The following RP1 variants were observed in gnomAD, a reference collection of about 807,000 sequenced individuals.
RP1 encodes oxygen-regulated protein 1.
A neutral mutation model predicts 14.8 loss-of-function variants in RP1; 16 were observed. That is an observed-to-expected ratio of 1.08 (90% CI 0.73 to 1.65). The LOEUF (loss-of-function observed/expected upper bound fraction) is 1.65, where lower values mean the gene tolerates loss of function less well. Among genes scored for constraint, RP1 ranks in the 40% most tolerant of loss-of-function variants. The probability of loss-of-function intolerance (pLI) is 0.00; values close to 1 mark genes in which losing one functional copy is unlikely to be tolerated. For synonymous variants in RP1, 876 were observed against 883.6 expected (o/e 0.99, Z 0.15); for missense variants, 2,631 against 2,535.0 (o/e 1.04, Z -0.81).
intron 24 of RP1, among the ~76,000 whole-genome samples, chr8:54,800,108 G>C (rs541859686): frequency 5.3e-5 from 8 of 151,924 alleles, no homozygotes; most frequent in Non-Finnish European, 1.2e-4. Flanking sequence ...GTTTTTACTG[G>C]ATATGGAATT....
intron 5 of RP1, among the ~76,000 whole-genome samples, chr8:54,654,064 A>T (rs183205424): frequency 3.9e-5 from 6 of 152,306 alleles, no homozygotes; most frequent in Admixed American, 6.5e-5. Flanking sequence ...CTGCAAGGGA[A>T]CTTTGCCTAA....
intron 12 of RP1, among the ~76,000 whole-genome samples, chr8:54,693,154 T>A (rs1807759181): frequency 6.6e-6 from 1 of 152,174 alleles, no homozygotes; most frequent in South Asian, 2.1e-4. Context: ...TTCTGAGGGC[T>A]CTGTTCTGTT....
chr8:54,739,436 G>A (rs1320313074), intron 19 of RP1, among the ~76,000 whole-genome samples: 2 of 152,082 alleles, frequency 1.3e-5, no homozygotes, highest in African/African-American at 4.8e-5. Context: ...TGTAAATAAT[G>A]TGAACAAAAT....
At chr8:54,712,389 G>A (rs905948664) in intron 15 of RP1, among the ~76,000 whole-genome samples, 11 of 152,138 alleles carry the variant, frequency 7.2e-5, no homozygotes, top group Non-Finnish European at 1.5e-4. Flanking sequence ...ATAAGTATCA[G>A]GCCTGGTCCA....
chr8:54,669,027 G>A (rs906062390), intron 7 of RP1, among the ~76,000 whole-genome samples: 1 of 152,100 alleles, frequency 6.6e-6, no homozygotes, highest in Non-Finnish European at 1.5e-5. Context: ...ATAGACAAAT[G>A]GGATGTAATT....
At chr8:54,585,079 C>T (rs1334850552) in intron 1 of RP1, among the ~76,000 whole-genome samples, 1 of 152,168 alleles carries the variant, frequency 6.6e-6, no homozygotes, top group African/African-American at 2.4e-5. Flanking sequence ...TTAGTTGATG[C>T]AGTTTCTTCC....
chr8:54,565,117 G>A (rs1804373346), intron 1 of RP1, among the ~76,000 whole-genome samples: 1 of 152,100 alleles, frequency 6.6e-6, no homozygotes, highest in East Asian at 1.9e-4. Context: ...TGTGTCAGTT[G>A]CCTGGGATTT....
intron 7 of RP1, among the ~76,000 whole-genome samples, chr8:54,666,722 G>T (rs1419321110): frequency 6.6e-6 from 1 of 151,904 alleles, no homozygotes; most frequent in Non-Finnish European, 1.5e-5. Context: ...ACCTCTTCCA[G>T]GGAGAAACTG....
intron 24 of RP1, among the ~76,000 whole-genome samples, chr8:54,800,226 A>G (rs1036363609): frequency 2.0e-5 from 3 of 151,700 alleles, no homozygotes; most frequent in African/African-American, 7.3e-5. Flanking sequence ...CCTTCCCTCT[A>G]TTTATAATGT....
chr8:54,714,619 C>A (rs1009842286), intron 15 of RP1, among the ~76,000 whole-genome samples: 1 of 152,150 alleles, frequency 6.6e-6, no homozygotes, highest in African/African-American at 2.4e-5. Context: ...CTCGTGCCTG[C>A]CAAACTGTCT....
At chr8:54,714,764 G>A (rs889085574) in intron 15 of RP1, among the ~76,000 whole-genome samples, 12 of 152,182 alleles carry the variant, frequency 7.9e-5, no homozygotes, top group African/African-American at 2.9e-4. Flanking sequence ...TAAACTAGCT[G>A]TATCTGGGCA....
chr8:54,781,537 T>C (rs1810189129), intron 23 of RP1, among the ~76,000 whole-genome samples: 1 of 152,164 alleles, frequency 6.6e-6, no homozygotes, highest in African/African-American at 2.4e-5. Context: ...ATACAAGCAA[T>C]ACAAAAACTG....
At position 54,628,618 on chromosome 8, in the gene RP1, T is replaced by TA. The variant is rs886041040; in HGVS notation, c.4743dup (p.Cys1582MetfsTer9). The TA allele has an allele frequency of 7.4e-6, 12 of 1,613,886 alleles. No homozygotes were observed. The highest frequency in any genetic ancestry group is 2.7e-5 in the African/African-American group (2 of 74,964). The stretch of plus-strand genomic sequence containing the variant: ...AGTTATTCAGAGTCCTCTCCTGATT[T>TA]AAAAAAATGCATCAAAAGTCCAGTG... On this transcript the variant is annotated frameshift_variant, in exon 4 of 4. Coordinates refer to ENST00000220676, the MANE Select transcript of RP1 (RefSeq NM_006269.2). LOFTEE classifies it low-confidence loss of function (END_TRUNC).
chr8:54,639,079 TA>T (rs1370659243), intron 3 of RP1, among the ~76,000 whole-genome samples: 1 of 152,184 alleles, frequency 6.6e-6, no homozygotes, highest in Non-Finnish European at 1.5e-5. Context: ...TTTCCCTTTA[TA>T]GCCAGTCCCT....
At chr8:54,863,603 G>A (rs1812398615) in intron 27 of RP1, among the ~76,000 whole-genome samples, 1 of 152,124 alleles carries the variant, frequency 6.6e-6, no homozygotes, top group Admixed American at 6.5e-5. Flanking sequence ...CTACCACTCT[G>A]TATTGACTGC....
intron 1 of RP1, among the ~76,000 whole-genome samples, chr8:54,604,960 T>C (rs1444648433): frequency 6.6e-6 from 1 of 152,210 alleles, no homozygotes; most frequent in Non-Finnish European, 1.5e-5. Flanking sequence ...TAGTGGTCTA[T>C]CAATTTTGTT....
At chr8:54,868,428 A>C (rs1248823266) in intron 28 of RP1, among the ~76,000 whole-genome samples, 1 of 152,178 alleles carries the variant, frequency 6.6e-6, no homozygotes, top group Non-Finnish European at 1.5e-5. Flanking sequence ...ATAAGTATTA[A>C]AAAATTATCT....
chr8:54,594,924 G>A (rs536940632), intron 1 of RP1, among the ~76,000 whole-genome samples: 1 of 152,088 alleles, frequency 6.6e-6, no homozygotes, highest in African/African-American at 2.4e-5. Flanking sequence ...GGAAGGATGG[G>A]AATAAAACTG....
At chr8:54,608,337 A>T (rs901515637) in intron 1 of RP1, among the ~76,000 whole-genome samples, 1 of 152,062 alleles carries the variant, frequency 6.6e-6, no homozygotes, top group African/African-American at 2.4e-5. Flanking sequence ...CATGGAAATC[A>T]TGTATCAACA....
Sources: gnomAD v4.1 joint callset for allele counts (sites outside exome capture counted in the v4.1 genomes callset) on GRCh38, gnomAD v4.1.1 for gene constraint, MANE v1.5 for transcripts, NCBI Gene and HGNC (gene_info 2026-07-23, HGNC 2026-07-21) for gene names.